Variants in ZNF525 observed in about 807,000 individuals in gnomAD.
ZNF525 encodes the protein zinc finger protein 525.
Under a neutral mutation model 37.6 loss-of-function variants are expected in ZNF525, and 33 were observed. That is an observed-to-expected ratio of 0.88 (90% CI 0.67 to 1.17). ZNF525 has a LOEUF of 1.17. Ranked by LOEUF, ZNF525 falls within the 50% of genes most tolerant of loss-of-function variation. ZNF525 has a pLI of 0.00. For missense variants in ZNF525, 449 were observed against 543.1 expected (o/e 0.83, Z 1.72); for synonymous variants, 170 against 182.3 (o/e 0.93, Z 0.54).
Position 53,382,763 on chromosome 19 carries a change from C to A in ZNF525, c.*744C>A. On this transcript the variant is annotated 3_prime_UTR_variant, in exon 4 of 4. Transcript: ENST00000474037. Reference sequence around the variant, plus strand: ...TGATAAATGTGACAAATTTTTCAGACATCGTTCATACCTTGCAGTTCACGG... The same window carrying A: ...TGATAAATGTGACAAATTTTTCAGAAATCGTTCATACCTTGCAGTTCACGG... 1 of 935,884 alleles carries A rather than the reference C, an allele frequency of 1.1e-6. No homozygotes were observed. Among genetic ancestry groups the A allele is most frequent in the Non-Finnish European group, 1.7e-6 (1 of 587,526 alleles). The allele number at this position is 935,884 out of a possible 1,614,324, so 58.0% of individuals were successfully genotyped here. A position where few individuals can be genotyped will look rare whatever the true frequency, so the allele number is the denominator to read the frequency against.
rs149940966 is a variant in ZNF525 at position 53,382,130 on chromosome 19, T to G, written c.*111T>G. 9 of 1,580,866 alleles carry G rather than the reference T, an allele frequency of 5.7e-6. No individual in the cohort carries two copies. The highest frequency in any genetic ancestry group is 1.7e-4 in the Middle Eastern group (1 of 6,016). The stretch of plus-strand genomic sequence containing the variant: ...CCATTGTATACCATCATAAATTTCA[T>G]AGTGGAGAGAAACCTTACAAATGTG... On this transcript the variant is annotated 3_prime_UTR_variant, in exon 4 of 4. Transcript: ENST00000474037.
chr19:53,379,528 G>A (rs576375984), intron 3 of ZNF525: 1 of 152,338 alleles, frequency 6.6e-6, no homozygotes, highest in East Asian at 1.9e-4. Flanking sequence ...GTGGTAAGTA[G>A]AAGTTGTGCT....
At chr19:53,368,467 T>C (rs1328171780) in intron 1 of ZNF525, among the ~76,000 whole-genome samples, 2 of 152,202 alleles carry the variant, frequency 1.3e-5, no homozygotes, top group Non-Finnish European at 2.9e-5. Flanking sequence ...CTTGAAACTG[T>C]GGGCATTGCT....
Position 53,381,492 on chromosome 19 carries a change from G to C in ZNF525, c.913G>C (p.Asp305His), listed in dbSNP as rs1186130031. 2.2e-6 allele frequency: 3 copies of C among 1,374,818 alleles called. No homozygotes were observed. Among genetic ancestry groups the C allele is most frequent in the Non-Finnish European group, 3.1e-6 (3 of 962,024 alleles). The allele number at this position is 1,374,818 out of a possible 1,614,324, so 85.2% of individuals were successfully genotyped here. ...GEKPYKCEECDKAFRHNSALQ... is the reference protein window; with the variant it reads ...GEKPYKCEECHKAFRHNSALQ... ...GAAACCTTACAAATGTGAAGAATGTGACAAAGCTTTCAGACACAATTCAGC... is the reference window on the plus strand; with the variant it reads ...GAAACCTTACAAATGTGAAGAATGTCACAAAGCTTTCAGACACAATTCAGC... Residue 305 changes from aspartate to histidine, a missense_variant, in exon 4 of 4, where the codon GAC (aspartate) becomes CAC (histidine). Physicochemically the swap from Asp to His is moderately conservative, Grantham distance 81. Coordinates refer to ENST00000474037, the MANE Select transcript of ZNF525 (RefSeq NM_001348156.2).
chr19:53,367,723 T>C (rs970206572), intron 1 of ZNF525, among the ~76,000 whole-genome samples: 9 of 152,218 alleles, frequency 5.9e-5, no homozygotes, highest in African/African-American at 2.2e-4. Context: ...CCTGTTGTCA[T>C]TGATTTCTAG....
rs779014004 is a variant in ZNF525 at position 53,384,595 on chromosome 19, T to C, written c.*2576T>C. 11 of 165,254 alleles carry C rather than the reference T, an allele frequency of 6.7e-5. No homozygotes were observed. Among genetic ancestry groups the C allele is most frequent in the Admixed American group, 2.5e-4 (4 of 15,706 alleles). 10.2% of individuals were successfully genotyped at this position (165,254 alleles called of 1,614,324 possible). Reference sequence around the variant, plus strand: ...GTTAAAATTTTCTTTTAAAATTGTTTATTATTAAAATATGGAAATTCAACT... The same window carrying C: ...GTTAAAATTTTCTTTTAAAATTGTTCATTATTAAAATATGGAAATTCAACT... On this transcript the variant is annotated 3_prime_UTR_variant, in exon 4 of 4. Transcript: ENST00000474037.
chr19:53,380,561 T>C (rs914249914), intron 3 of ZNF525, among the ~76,000 whole-genome samples, 161 bp from the exon 4 acceptor site: 1 of 152,224 alleles, frequency 6.6e-6, no homozygotes, highest in Non-Finnish European at 1.5e-5. Context: ...TGTCATGATA[T>C]TGGAAATAAG....
chr19:53,376,892 C>T (rs2085526299), intron 3 of ZNF525, among the ~76,000 whole-genome samples: 1 of 152,158 alleles, frequency 6.6e-6, no homozygotes. Context: ...GTCACTTGAA[C>T]CCTGGAGGTG....
chr19:53,369,916 G>A (rs1600011535), intron 1 of ZNF525, among the ~76,000 whole-genome samples: 1 of 145,154 alleles, frequency 6.9e-6, no homozygotes, highest in Non-Finnish European at 1.5e-5. Flanking sequence ...AGTAGAGGTG[G>A]GGTTTCACCG....
At position 53,386,480 on chromosome 19, in the gene ZNF525, A is replaced by G; in HGVS notation, c.*4461A>G. On this transcript the variant is annotated 3_prime_UTR_variant, in exon 4 of 4. Coordinates refer to ENST00000474037, the MANE Select transcript of ZNF525 (RefSeq NM_001348156.2). ...AGCTGAAAATGTCACCACTATCTGG[A>G]CAGTTGGACATGTTTTATTGGGAAT... is the stretch of plus-strand genomic sequence containing the variant. 1 of 648,382 alleles carries G rather than the reference A, an allele frequency of 1.5e-6. No individual in the cohort carries two copies. Among genetic ancestry groups the G allele is most frequent in the Non-Finnish European group, 2.8e-6 (1 of 355,920 alleles). The allele number at this position is 648,382 out of a possible 1,614,324, so 40.2% of individuals were successfully genotyped here.
intron 1 of ZNF525, among the ~76,000 whole-genome samples, chr19:53,368,784 A>G (rs182893157): frequency 6.6e-6 from 1 of 152,282 alleles, no homozygotes; most frequent in Admixed American, 6.5e-5. Context: ...GGAGACATGA[A>G]TGGGGTAACC....
At chr19:53,376,747 A>G (rs1180430463) in intron 3 of ZNF525, among the ~76,000 whole-genome samples, 20 of 152,128 alleles carry the variant, frequency 1.3e-4, no homozygotes, top group Admixed American at 1.3e-3. Context: ...GGGGTGGGCA[A>G]ATCACCTGAG....
rs768404336 is a variant in ZNF525, at chr19:53,383,657, A to G, written c.*1638A>G. ...TAGTGTAGGGAAACTTGACTAACGT[A>G]ATGATTCTCACAACGTCTTCAGTAA... On this transcript the variant is annotated 3_prime_UTR_variant, in exon 4 of 4. Coordinates refer to ENST00000474037, the MANE Select transcript of ZNF525 (RefSeq NM_001348156.2). 1.1e-6 allele frequency: 1 copy of G among 887,386 alleles called. No individual in the cohort carries two copies. Among genetic ancestry groups the G allele is most frequent in the Non-Finnish European group, 1.7e-6 (1 of 584,092 alleles). 55.0% of individuals were successfully genotyped at this position (887,386 alleles called of 1,614,324 possible).
chr19:53,376,111 CT>C, intron 3 of ZNF525: 3 of 1,128,412 alleles, frequency 2.7e-6, no homozygotes, highest in Non-Finnish European at 3.9e-6. Context: ...TGCCAGGATA[CT>C]TTTTTAGTTT....
At position 53,384,804 on chromosome 19, in the gene ZNF525, C is replaced by A; in HGVS notation, c.*2785C>A. 1 of 553,290 alleles carries A rather than the reference C, an allele frequency of 1.8e-6. No individual in the cohort carries two copies. The highest frequency in any genetic ancestry group is 3.2e-6 in the Non-Finnish European group (1 of 314,442). The allele number at this position is 553,290 out of a possible 1,614,324, so 34.3% of individuals were successfully genotyped here. A position where few individuals can be genotyped will look rare whatever the true frequency, so the allele number is the denominator to read the frequency against. ...TTCTTTTGCTATTTAATTGCTCTGG[C>A]TAGGACAGGCAGTATTGATTGAATA... On this transcript the variant is annotated 3_prime_UTR_variant, in exon 4 of 4. Transcript: ENST00000474037.
chr19:53,373,835 A>G (rs892785035), intron 2 of ZNF525, among the ~76,000 whole-genome samples: 2 of 150,088 alleles, frequency 1.3e-5, no homozygotes. Context: ...AAAAAAAAAT[A>G]GTTTTTATAT....
At position 53,383,171 on chromosome 19, in the gene ZNF525, A is replaced by C; in HGVS notation, c.*1152A>C. The C allele has an allele frequency of 7.4e-7, 1 of 1,348,068 alleles. No individual in the cohort carries two copies. The highest frequency in any genetic ancestry group is 1.0e-6 in the Non-Finnish European group (1 of 959,768). 83.5% of individuals were successfully genotyped at this position (1,348,068 alleles called of 1,614,324 possible). A position where few individuals can be genotyped will look rare whatever the true frequency, so the allele number is the denominator to read the frequency against. On this transcript the variant is annotated 3_prime_UTR_variant, in exon 4 of 4. Coordinates refer to ENST00000474037, the MANE Select transcript of ZNF525 (RefSeq NM_001348156.2). ...ACATTACAAGTGTAATGAGTGTGGC[A>C]AGACCTACTCTCACAATTCAGTCCT...
rs1353339306 is a variant in ZNF525, at chr19:53,385,119, C to G, written c.*3100C>G. On this transcript the variant is annotated 3_prime_UTR_variant, in exon 4 of 4. Coordinates refer to ENST00000474037, the MANE Select transcript of ZNF525 (RefSeq NM_001348156.2). ...AACCATCCTTGCATCCCAGAAATAACTGGCACTTGAATATCTACATTTTTT... is the reference window on the plus strand; with the variant it reads ...AACCATCCTTGCATCCCAGAAATAAGTGGCACTTGAATATCTACATTTTTT... 1.8e-5 allele frequency: 9 copies of G among 496,120 alleles called. No homozygotes were observed. The highest frequency in any genetic ancestry group is 1.2e-4 in the Admixed American group (3 of 25,150). 30.7% of individuals were successfully genotyped at this position (496,120 alleles called of 1,614,324 possible).
intron 1 of ZNF525, among the ~76,000 whole-genome samples, chr19:53,369,487 A>G (rs1029180325): frequency 1.4e-5 from 2 of 147,376 alleles, no homozygotes; most frequent in Non-Finnish European, 3.0e-5. Context: ...TTAACCTCCT[A>G]AAGTACTGGG....
Sources: allele counts gnomAD v4.1 joint callset (sites outside exome capture counted in the v4.1 genomes callset), GRCh38; gene constraint gnomAD v4.1.1; transcripts MANE v1.5; gene names NCBI Gene and HGNC (gene_info 2026-07-23, HGNC 2026-07-21).